HERC2: variants seen among roughly 807,000 people sequenced by gnomAD.
HERC2 encodes the protein E3 ubiquitin-protein ligase HERC2.
A neutral mutation model predicts 537.7 loss-of-function variants in HERC2; 102 were observed. The observed-to-expected ratio is 0.19, with a 90% CI of 0.16 to 0.22. The LOEUF (loss-of-function observed/expected upper bound fraction) is 0.22, where lower values mean the gene tolerates loss of function less well. Among genes scored for constraint, HERC2 ranks in the 10% least tolerant of loss-of-function variants. The pLI is 1.00. For synonymous variants in HERC2, 2,224 were observed against 2,466.2 expected (o/e 0.90, Z 2.91); for missense variants, 4,236 against 6,198.2 (o/e 0.68, Z 10.63).
intron 86 of HERC2, chr15:28,118,503 T>C (rs1321613677): frequency 6.6e-6 from 1 of 152,246 alleles, no homozygotes; most frequent in Admixed American, 6.5e-5. Flanking sequence ...GTAATAAATT[T>C]TTAAGTATAA....
chr15:28,267,494 C>T (rs2075600801), intron 12 of HERC2, among the ~76,000 whole-genome samples: 1 of 152,154 alleles, frequency 6.6e-6, no homozygotes, highest in African/African-American at 2.4e-5. Flanking sequence ...TCCCGTGTAC[C>T]CCATGTCAAT....
At chr15:28,184,483 G>A (rs1013000400) in intron 56 of HERC2, among the ~76,000 whole-genome samples, 1 of 152,096 alleles carries the variant, frequency 6.6e-6, no homozygotes, top group Non-Finnish European at 1.5e-5. Flanking sequence ...CTTTTCTTTC[G>A]ACAATATATT....
rs1895355414 is a variant in HERC2, at chr15:28,177,043, G to A, written c.9339C>T (p.Ala3113=). ...DIACGSSHSA[A]LTSSGELYTW... is the part of the protein sequence containing the mutation. ...TGTACAGTTCTCCGCTGGATGTGAG[G>A]GCTGCGCTGTGCGAGCTCCCACAGG... Residue 3113 remains alanine, a synonymous_variant, in exon 61 of 93, where the codon GCC becomes GCT. Transcript: ENST00000261609. This position sits in a 1 kb window ranked among gnomAD's most constrained non-coding sequence, Gnocchi z 5.0. 2 of 1,614,016 alleles carry A rather than the reference G, an allele frequency of 1.2e-6. No individual in the cohort carries two copies. The highest frequency in any genetic ancestry group is 2.2e-5 in the East Asian group (1 of 44,882).
At position 28,122,359 on chromosome 15, in the gene HERC2, T is replaced by C. The variant is rs895344334; in HGVS notation, c.13189-930A>G. ...GGCCAAGGAGGCAATCGTGCCTTCT[T>C]TCGGTTAGGGGTGGGCTGTGGGAGC... On this transcript the variant is annotated intron_variant, in intron 85 of 92. Coordinates refer to ENST00000261609, the MANE Select transcript of HERC2 (RefSeq NM_004667.6). The surrounding 1 kb of genome is among the most constrained non-coding windows in gnomAD (Gnocchi z 4.1). Among the ~76,000 whole-genome samples, 1 of 152,172 alleles carries C rather than the reference T, an allele frequency of 6.6e-6. No individual in the cohort carries two copies. The highest frequency in any genetic ancestry group is 1.5e-5 in the Non-Finnish European group (1 of 68,028).
chr15:28,233,489 T>A lies in HERC2; in HGVS notation c.4424A>T (p.Lys1475Met). 2 of 1,501,434 alleles carry A rather than the reference T, an allele frequency of 1.3e-6. No individual in the cohort carries two copies. Among genetic ancestry groups the A allele is most frequent in the Non-Finnish European group, 1.9e-6 (2 of 1,077,726 alleles). 93.0% of individuals were successfully genotyped at this position (1,501,434 alleles called of 1,614,324 possible). The part of the protein sequence containing the change: ...IEQVKHRTLP[K>M]SVVDVCRVVY... Reference sequence around the variant, plus strand: ...AACTCTACAAACATCCACCACTGACTTAGGCAACGTTCTGTGCTTTACTTG... The same window carrying A: ...AACTCTACAAACATCCACCACTGACATAGGCAACGTTCTGTGCTTTACTTG... Residue 1475 changes from lysine to methionine, a missense_variant, in exon 29 of 93, where the codon AAG (lysine) becomes ATG (methionine). Transcript: ENST00000261609.
In HERC2 at chr15:28,113,642, C is replaced by T. The variant is rs1025424779; in HGVS notation, c.13950G>A (p.Arg4650=). The T allele has an allele frequency of 8.7e-6, 14 of 1,614,050 alleles. No homozygotes were observed. The highest frequency in any genetic ancestry group is 1.0e-5 in the Non-Finnish European group (12 of 1,180,022). The change falls in exon 91 of 93, where the codon CGG becomes CGA. Residue 4650 remains arginine, a synonymous_variant. Transcript: ENST00000261609. This position sits in a 1 kb window ranked among gnomAD's most constrained non-coding sequence, Gnocchi z 7.0. The stretch of plus-strand genomic sequence containing the variant: ...CAGGCACAACGCGGGCCATTCCTTC[C>T]CGAACAGCAGCCACCTGCTCATCAA... The part of the protein sequence containing the change: ...HEFDEQVAAV[R]EGMARVVPVP...
At chr15:28,150,146 C>T (rs1373326061) in intron 70 of HERC2, among the ~76,000 whole-genome samples, 2 of 151,838 alleles carry the variant, frequency 1.3e-5, no homozygotes, top group Non-Finnish European at 2.9e-5. Context: ...TGAGAATAGC[C>T]GCACAAATGC....
chr15:28,213,714 T>C (rs1899531733), intron 42 of HERC2, 28 bp downstream of exon 42: 5 of 1,611,846 alleles, frequency 3.1e-6, no homozygotes, highest in African/African-American at 1.3e-5. Flanking sequence ...TCCCTTATCA[T>C]GCAGTAACTA....
chr15:28,116,984 A>G, intron 87 of HERC2, 29 bp downstream of exon 87: 1 of 1,613,792 alleles, frequency 6.2e-7, no homozygotes. Context: ...CCGGGGACAC[A>G]GGTGCTCCAG....
At chr15:28,124,751 T>C (rs1006924537) in intron 84 of HERC2, among the ~76,000 whole-genome samples, 1 of 152,212 alleles carries the variant, frequency 6.6e-6, no homozygotes, top group African/African-American at 2.4e-5. Flanking sequence ...GGTTTTGCTA[T>C]GTTGTCCAGG....
At chr15:28,273,647 C>T (rs966085708) in intron 7 of HERC2, among the ~76,000 whole-genome samples, 1 of 152,178 alleles carries the variant, frequency 6.6e-6, no homozygotes, top group Admixed American at 6.5e-5. Context: ...GACTCAGAGC[C>T]GGGGACGCAA....
chr15:28,185,937 T>A (rs931183518), intron 56 of HERC2, among the ~76,000 whole-genome samples: 42 of 152,176 alleles, frequency 2.8e-4, no homozygotes, highest in African/African-American at 9.9e-4. Flanking sequence ...CAAAAGATGT[T>A]GAATGAATAA....
chr15:28,190,862 T>G, intron 55 of HERC2, 103 bp downstream of exon 55: 1 of 755,604 alleles, frequency 1.3e-6, no homozygotes, highest in Non-Finnish European at 2.3e-6. Flanking sequence ...AACCAATTAT[T>G]TAAACGGGGA....
chr15:28,281,381 G>A (rs374197569), intron 4 of HERC2, among the ~76,000 whole-genome samples: 2 of 152,188 alleles, frequency 1.3e-5, no homozygotes, highest in South Asian at 2.1e-4. Context: ...GTGGCGAGGT[G>A]AGAGCTGGTC....
At chr15:28,272,869 C>T (rs778769239) in intron 8 of HERC2, 25 bp downstream of exon 8, 11 of 1,522,496 alleles carry the variant, frequency 7.2e-6, no homozygotes, top group African/African-American at 2.7e-5. Flanking sequence ...TTCCCCAAAG[C>T]GTTCCCGTCT....
chr15:28,269,221 T>A (rs368436331), intron 11 of HERC2, 27 bp downstream of exon 11: 21 of 1,601,278 alleles, frequency 1.3e-5, no homozygotes, highest in Non-Finnish European at 1.7e-5. Flanking sequence ...AAGGGAACAC[T>A]GCAGGCACAG....
intron 57 of HERC2, among the ~76,000 whole-genome samples, chr15:28,179,520 C>T (rs939925798): frequency 2.0e-5 from 3 of 152,222 alleles, no homozygotes; most frequent in Non-Finnish European, 4.4e-5. Context: ...TATCAACAAT[C>T]CCTAATACCT....
At position 28,274,930 on chromosome 15, in the gene HERC2, G is replaced by C. The variant is rs1344517953; in HGVS notation, c.618C>G (p.Ala206=). 6.2e-7 allele frequency: 1 copy of C among 1,611,718 alleles called. No homozygotes were observed. The highest frequency in any genetic ancestry group is 1.7e-5 in the Admixed American group (1 of 60,026). ...GSRAALSFAF[A]FLRRAWRSGE... is the part of the protein sequence containing the mutation. ...CTGATCGCCAGGCCCTGCGCAGGAA[G>C]GCAAAGGCAAAAGACAGCGCCGCTC... The change falls in exon 6 of 93, where the codon GCC becomes GCG. Residue 206 remains alanine (A), a synonymous_variant. Coordinates refer to ENST00000261609, the MANE Select transcript of HERC2 (RefSeq NM_004667.6).
rs1895514775 is a variant in HERC2, at chr15:28,178,539, C to T, written c.9163+348G>A. On this transcript the variant is annotated intron_variant, in intron 59 of 92. Coordinates refer to ENST00000261609, the MANE Select transcript of HERC2 (RefSeq NM_004667.6). ...ACTTTGTGTCTAATTCAGTTCCATT[C>T]CTCAGAGGCCTAGCACGGTGCCTCC... Among the ~76,000 whole-genome samples, 3 of 152,192 alleles carry T rather than the reference C, an allele frequency of 2.0e-5. No homozygotes were observed. In the South Asian group the frequency reaches 6.2e-4, roughly 32 times the overall value.
Sources: gnomAD v4.1 joint callset for allele counts (sites outside exome capture counted in the v4.1 genomes callset) on GRCh38, gnomAD v4.1.1 for gene constraint, Gnocchi (gnomAD v3.1) non-coding constraint, MANE v1.5 for transcripts, NCBI Gene and HGNC (gene_info 2026-07-23, HGNC 2026-07-21) for gene names.